SDK1: variants seen among roughly 807,000 people sequenced by gnomAD.
SDK1 encodes sidekick cell adhesion molecule 1, also known as protein sidekick-1.
In SDK1, 157 loss-of-function variants were observed where a neutral mutation model predicts 245.5. The observed-to-expected ratio is 0.64, with a 90% confidence interval of 0.56 to 0.73. The LOEUF (loss-of-function observed/expected upper bound fraction) is 0.73, where lower values mean the gene tolerates loss of function less well. Among genes scored for constraint, SDK1 ranks in the 30% least tolerant of loss-of-function variants. SDK1 has a pLI of 0.00. For missense variants in SDK1, 3,583 were observed against 3,002.3 expected (o/e 1.19, Z -4.52); for synonymous variants, 1,647 against 1,278.5 (o/e 1.29, Z -6.15).
chr7:3,471,809 C>T (rs1319834513), intron 1 of SDK1, among the ~76,000 whole-genome samples: 1 of 152,058 alleles, frequency 6.6e-6, no homozygotes, highest in Admixed American at 6.5e-5. Context: ...TTAAAAGTTG[C>T]CTGGTTATAG....
intron 20 of SDK1, among the ~76,000 whole-genome samples, chr7:4,070,812 C>G (rs569232859): frequency 2.0e-5 from 3 of 151,876 alleles, no homozygotes; most frequent in East Asian, 3.9e-4. Context: ...TGGGTTCAAG[C>G]AATTATCCTG....
intron 1 of SDK1, among the ~76,000 whole-genome samples, chr7:3,316,315 T>TA (rs772386290): frequency 1.3e-5 from 2 of 152,170 alleles, no homozygotes; most frequent in Admixed American, 6.5e-5. Context: ...GACACATAAA[T>TA]ACTTGTGGTA....
chr7:3,771,860 A>T (rs1158479653), intron 4 of SDK1, among the ~76,000 whole-genome samples: 1 of 152,062 alleles, frequency 6.6e-6, no homozygotes, highest in East Asian at 1.9e-4. Flanking sequence ...CATCTCCAGA[A>T]CTCTTTTCAT....
At chr7:4,035,185 A>T (rs1788126704) in intron 17 of SDK1, among the ~76,000 whole-genome samples, 1 of 151,654 alleles carries the variant, frequency 6.6e-6, no homozygotes, top group African/African-American at 2.4e-5. Flanking sequence ...GGGTTTCACC[A>T]TGTTGGTGAG....
In SDK1 at chr7:4,137,537, T is replaced by C. The variant is rs189468984; in HGVS notation, c.4228+5114T>C. ...GATTGTCTAAATGTGCAGTGCCACCTCCGTCTTCCAGGTGTATTCAGAAAC... is the reference window on the plus strand; with the variant it reads ...GATTGTCTAAATGTGCAGTGCCACCCCCGTCTTCCAGGTGTATTCAGAAAC... On this transcript the variant is annotated intron_variant, in intron 28 of 44. Coordinates refer to ENST00000404826, the MANE Select transcript of SDK1 (RefSeq NM_152744.4). Among the ~76,000 whole-genome samples the C allele has an allele frequency of 6.0e-3, 913 of 152,300 alleles. 13 individuals are homozygous for C. Among genetic ancestry groups the C allele is most frequent in the African/African-American group, 0.02 (827 of 41,560 alleles).
chr7:4,137,217 C>T (rs139788203), intron 28 of SDK1, among the ~76,000 whole-genome samples: 2,117 of 152,348 alleles, frequency 0.014, 42 homozygotes, highest in African/African-American at 0.049. Context: ...ATGGCTTGAA[C>T]CCGGGAGGCG....
At chr7:4,246,351 G>A (rs370199539) in intron 44 of SDK1, among the ~76,000 whole-genome samples, 7 of 152,088 alleles carry the variant, frequency 4.6e-5, no homozygotes, top group East Asian at 1.9e-4. Flanking sequence ...AGATGGAGCC[G>A]GCAGGGCTCA....
At chr7:3,575,868 G>A (rs989801483) in intron 1 of SDK1, among the ~76,000 whole-genome samples, 2 of 151,950 alleles carry the variant, frequency 1.3e-5, no homozygotes, top group African/African-American at 4.8e-5. Flanking sequence ...TTTATTAAAG[G>A]TGCAAGTTCC....
Position 3,808,612 on chromosome 7 carries a change from G to T in SDK1, c.714-12838G>T, listed in dbSNP as rs10264034. Among the ~76,000 whole-genome samples the T allele has an allele frequency of 8.0e-3, 1,214 of 152,260 alleles. 15 individuals are homozygous for T. Among genetic ancestry groups the T allele is most frequent in the African/African-American group, 0.028 (1,160 of 41,538 alleles). On this transcript the variant is annotated intron_variant, in intron 4 of 44. Transcript: ENST00000404826. ...TAAGCCCTCCTGAAAGCTCAGTTTA[G>T]GGGACCAGGATTTTAAAGAGCTCCC...
At position 4,244,168 on chromosome 7, in the gene SDK1, C is replaced by G. The variant is rs372414647; in HGVS notation, c.6252-1508C>G. 4.6e-5 allele frequency among the ~76,000 whole-genome samples: 7 copies of G among 152,300 alleles called. No homozygotes were observed. The East Asian group carries it at 1.2e-3, about 25-fold the overall frequency. ...TCCAGCCTTCCCAGCAGAGTCTCCACCCAAGGCCTGGTTTCCTGGCCTGTA... is the reference window on the plus strand; with the variant it reads ...TCCAGCCTTCCCAGCAGAGTCTCCAGCCAAGGCCTGGTTTCCTGGCCTGTA... On this transcript the variant is annotated intron_variant, in intron 43 of 44. Coordinates refer to ENST00000404826, the MANE Select transcript of SDK1 (RefSeq NM_152744.4).
Position 3,511,987 on chromosome 7 carries a change from CT to C in SDK1, c.299-107090del, listed in dbSNP as rs1268671076. On this transcript the variant is annotated intron_variant, in intron 1 of 44. Coordinates refer to ENST00000404826, the MANE Select transcript of SDK1 (RefSeq NM_152744.4). ...ACACCAGGATCACCTGAAGTCCATA[CT>C]TTACATTAGAATTCACTCTTGATAT... Among the ~76,000 whole-genome samples, 4 of 151,052 alleles carry C rather than the reference CT, an allele frequency of 2.6e-5. No homozygotes were observed. The East Asian group carries it at 5.8e-4, about 22-fold the overall frequency.
chr7:3,580,955 C>A (rs1780460268), intron 1 of SDK1, among the ~76,000 whole-genome samples: 1 of 101,794 alleles, frequency 9.8e-6, no homozygotes, highest in African/African-American at 4.0e-5. Flanking sequence ...GGTTATAGGG[C>A]AAGACTCCAT....
At chr7:4,127,117 A>C (rs1051917957) in intron 25 of SDK1, among the ~76,000 whole-genome samples, 1 of 152,330 alleles carries the variant, frequency 6.6e-6, no homozygotes. Context: ...TTAATACAGC[A>C]AACAGACCAA....
intron 13 of SDK1, among the ~76,000 whole-genome samples, chr7:3,980,931 C>A (rs538286286): frequency 7.1e-6 from 1 of 140,292 alleles, no homozygotes; most frequent in East Asian, 2.0e-4. Flanking sequence ...CAGAGCGAGA[C>A]TCCATCTCAA....
chr7:3,870,682 T>A (rs111419428), intron 5 of SDK1, among the ~76,000 whole-genome samples: 2,101 of 152,314 alleles, frequency 0.014, 57 homozygotes, highest in African/African-American at 0.048. Flanking sequence ...AACATTAACT[T>A]TGTATATAAC....
At chr7:3,384,378 T>G (rs920656562) in intron 1 of SDK1, among the ~76,000 whole-genome samples, 1 of 152,186 alleles carries the variant, frequency 6.6e-6, no homozygotes, top group Non-Finnish European at 1.5e-5. Flanking sequence ...AGAGTACTAA[T>G]TTTTTTCAGG....
intron 1 of SDK1, among the ~76,000 whole-genome samples, chr7:3,379,350 G>A (rs1293957995): frequency 2.0e-5 from 3 of 152,116 alleles, no homozygotes; most frequent in African/African-American, 7.2e-5. Context: ...GGGGGCATAT[G>A]AAAAGGCTAA....
intron 4 of SDK1, among the ~76,000 whole-genome samples, chr7:3,792,815 C>G (rs1231852346): frequency 6.6e-6 from 1 of 152,178 alleles, no homozygotes; most frequent in East Asian, 1.9e-4. Context: ...GTACCTCTCA[C>G]TCTTGAGCTT....
intron 32 of SDK1, among the ~76,000 whole-genome samples, chr7:4,163,439 G>T (rs1781295951): frequency 6.6e-6 from 1 of 152,236 alleles, no homozygotes; most frequent in African/African-American, 2.4e-5. Flanking sequence ...CTCCGCCGGT[G>T]CAGGGGAGGC....
Sources: allele counts gnomAD v4.1 joint callset (sites outside exome capture counted in the v4.1 genomes callset), GRCh38; gene constraint gnomAD v4.1.1; transcripts MANE v1.5; gene names NCBI Gene and HGNC (gene_info 2026-07-23, HGNC 2026-07-21).